ATP13A4: variants seen among roughly 807,000 people sequenced by gnomAD.
The protein encoded by ATP13A4 is probable cation-transporting ATPase 13A4.
Under a neutral mutation model 142.5 loss-of-function variants are expected in ATP13A4, and 114 were observed. The ratio of observed to expected loss-of-function variants is 0.80; its 90% CI spans 0.69 to 0.93. ATP13A4 has a LOEUF of 0.93. Among genes scored for constraint, ATP13A4 ranks in the 40% least tolerant of loss-of-function variants. The pLI is 0.00. For synonymous variants in ATP13A4, 488 were observed against 514.8 expected (o/e 0.95, Z 0.70); for missense variants, 1,392 against 1,454.0 (o/e 0.96, Z 0.69).
At chr3:193,554,181 T>C (rs1295373429) in intron 1 of ATP13A4, 1 of 160,112 alleles carries the variant, frequency 6.2e-6, no homozygotes, top group African/African-American at 2.4e-5. Context: ...ATCTCTATAA[T>C]GAGGAAGCCA....
At chr3:193,539,797 G>A (rs1019591747) in intron 1 of ATP13A4, among the ~76,000 whole-genome samples, 1 of 152,142 alleles carries the variant, frequency 6.6e-6, no homozygotes, top group African/African-American at 2.4e-5. Flanking sequence ...ATGGGTATAG[G>A]ACGTAGTAGT....
chr3:193,440,148 G>C (rs924698707), intron 21 of ATP13A4: 11 of 183,026 alleles, frequency 6.0e-5, no homozygotes, highest in South Asian at 4.7e-4. Context: ...TGAATCTCTT[G>C]TCATATGAAT....
chr3:193,427,115 G>T (rs993382627), intron 25 of ATP13A4, among the ~76,000 whole-genome samples: 6 of 151,730 alleles, frequency 4.0e-5, no homozygotes, highest in Admixed American at 2.0e-4. Flanking sequence ...ATGAAGAACT[G>T]CTAGAACTCA....
rs1276697181 is a variant in ATP13A4, at chr3:193,419,365, G to C, written c.2843-4615C>G. On this transcript the variant is annotated intron_variant, in intron 25 of 29. Coordinates refer to ENST00000342695, the MANE Select transcript of ATP13A4 (RefSeq NM_032279.4). ...CCTGAAGAAACAATGCCTTGGCAAA[G>C]TGGTCCAACTACCCCTCCCAGTTGC... Among the ~76,000 whole-genome samples the C allele has an allele frequency of 2.0e-5, 3 of 150,238 alleles. 1 individual carries two copies. The highest frequency in any genetic ancestry group is 4.1e-4 in the East Asian group (2 of 4,856).
At chr3:193,554,571 TAGAG>T (rs1399708964) in intron 1 of ATP13A4, 165 bp downstream of exon 1, 1 of 795,386 alleles carries the variant, frequency 1.3e-6, no homozygotes, top group Admixed American at 2.0e-5. Flanking sequence ...ATTTACAGGA[TAGAG>T]AGATTTCTCA....
At chr3:193,584,618 T>TTC (rs1724633730) in intron 1 of ATP13A4, among the ~76,000 whole-genome samples, 1 of 113,268 alleles carries the variant, frequency 8.8e-6, no homozygotes, top group South Asian at 2.6e-4. Flanking sequence ...TTCTTCTATT[T>TTC]TTTTTTTTAA....
At chr3:193,573,260 C>CATATATATAT (rs373692119) in intron 2 of ATP13A4, among the ~76,000 whole-genome samples, 33 of 79,014 alleles carry the variant, frequency 4.2e-4, no homozygotes, top group African/African-American at 2.0e-3. Flanking sequence ...ATACCACAGC[C>CATATATATAT]ATATATATAT....
At chr3:193,556,625 A>AT (rs763471542), upstream of ATP13A4, among the ~76,000 whole-genome samples, 6 of 151,286 alleles carry the variant, frequency 4.0e-5, no homozygotes, top group Non-Finnish European at 7.4e-5. Flanking sequence ...TAAAGGGTTT[A>AT]TGGGGGGGGT....
chr3:193,418,040 T>G (rs36061128), intron 25 of ATP13A4, among the ~76,000 whole-genome samples: 2,618 of 129,920 alleles, frequency 0.02, 145 homozygotes, highest in South Asian at 0.15. Flanking sequence ...GAGAATGGCG[T>G]GAACCCGGGA....
At chr3:193,438,022 C>T (rs1188846454) in intron 23 of ATP13A4, among the ~76,000 whole-genome samples, 9 of 151,940 alleles carry the variant, frequency 5.9e-5, no homozygotes, top group Non-Finnish European at 8.8e-5. Flanking sequence ...TTAGTAGAAA[C>T]GGCGTTTCAC....
At chr3:193,536,200 C>A (rs968571521) in intron 1 of ATP13A4, among the ~76,000 whole-genome samples, 1 of 151,968 alleles carries the variant, frequency 6.6e-6, no homozygotes, top group South Asian at 2.1e-4. Flanking sequence ...AAAGTATAGA[C>A]CAACATCCCT....
chr3:193,572,418 C>A lies in ATP13A4; in HGVS notation n.291+9289G>T, dbSNP rs1724286532. ...TTGAGAACTACCTATTTTAAACTTA[C>A]AGCAGTCTTGCCTTTGTTTATTAAT... is the stretch of plus-strand genomic sequence containing the variant. On this transcript the variant is annotated intron_variant and non_coding_transcript_variant, in intron 2 of 3. Transcript: ENST00000489140. Among the ~76,000 whole-genome samples, 14 of 152,334 alleles carry A rather than the reference C, an allele frequency of 9.2e-5. 1 individual carries two copies. In the South Asian group the frequency reaches 1.2e-3, roughly 14 times the overall value.
At position 193,552,177 on chromosome 3, in the gene ATP13A4, T is replaced by C. The variant is rs986223071; in HGVS notation, c.60+2563A>G. Among the ~76,000 whole-genome samples, 3 of 152,198 alleles carry C rather than the reference T, an allele frequency of 2.0e-5. No homozygotes were observed. In the East Asian group the frequency reaches 5.8e-4, roughly 29 times the overall value. The stretch of plus-strand genomic sequence containing the variant: ...TTAGTAGAGATGGGGTTTCACCATG[T>C]TGGCCAGGATGGTCTCAATCTCTTG... On this transcript the variant is annotated intron_variant, in intron 1 of 29. Transcript: ENST00000342695.
At chr3:193,514,120 G>A (rs138195384) in intron 2 of ATP13A4, among the ~76,000 whole-genome samples, 3 of 152,168 alleles carry the variant, frequency 2.0e-5, no homozygotes, top group Non-Finnish European at 4.4e-5. Context: ...GGGAACATGT[G>A]CAGGTTTGTT....
chr3:193,454,235 T>A (rs1184547746), intron 16 of ATP13A4, 23 bp from the exon 17 acceptor site: 2 of 1,552,946 alleles, frequency 1.3e-6, no homozygotes, highest in Non-Finnish European at 1.8e-6. Context: ...AAACACAGGG[T>A]TAGTACGCAG....
chr3:193,487,690 T>C (rs935170367), intron 7 of ATP13A4, among the ~76,000 whole-genome samples: 8 of 152,178 alleles, frequency 5.3e-5, no homozygotes, highest in South Asian at 2.1e-4. Context: ...GTAATTTCAA[T>C]TGCAGAAATT....
At chr3:193,403,810 G>T in intron 29 of ATP13A4, 1 of 985,236 alleles carries the variant, frequency 1.0e-6, no homozygotes, top group Non-Finnish European at 1.2e-6. Context: ...AAGAAACAAA[G>T]AAAAAATATG....
intron 1 of ATP13A4, among the ~76,000 whole-genome samples, chr3:193,588,974 T>G (rs1724715405): frequency 1.3e-5 from 2 of 152,094 alleles, no homozygotes; most frequent in African/African-American, 4.8e-5. Flanking sequence ...ACCCCGTCTC[T>G]ACTAAAATAC....
At chr3:193,464,769 C>A (rs1158305099) in intron 12 of ATP13A4, among the ~76,000 whole-genome samples, 171 bp downstream of exon 12, 3 of 152,190 alleles carry the variant, frequency 2.0e-5, no homozygotes, top group Non-Finnish European at 4.4e-5. Flanking sequence ...AAACCTTGGA[C>A]TCTGCGAGCT....
Sources: allele counts gnomAD v4.1 joint callset (sites outside exome capture counted in the v4.1 genomes callset), GRCh38; gene constraint gnomAD v4.1.1; transcripts MANE v1.5; gene names NCBI Gene and HGNC (gene_info 2026-07-23, HGNC 2026-07-21).